CDYL2: variants seen among roughly 807,000 people sequenced by gnomAD.
CDYL2 encodes the protein chromodomain Y-like protein 2.
CDYL2 carries 23 observed loss-of-function variants against 49.4 expected under a neutral mutation model. That is an observed-to-expected ratio of 0.47 (90% CI 0.34 to 0.66). CDYL2 has a LOEUF of 0.66. CDYL2 is among the 30% of genes least tolerant of loss of function. The probability of loss-of-function intolerance (pLI) is 0.01; values close to 1 mark genes in which losing one functional copy is unlikely to be tolerated. For synonymous variants in CDYL2, 360 were observed against 268.8 expected (o/e 1.34, Z -3.32); for missense variants, 678 against 656.4 (o/e 1.03, Z -0.36).
chr16:80,742,035 A>C (rs1905754853), intron 1 of CDYL2: 1 of 152,216 alleles, frequency 6.6e-6, no homozygotes, highest in African/African-American at 2.4e-5. Context: ...CTTCAAATGG[A>C]TTGTGTATTT....
rs147186831 is a variant in CDYL2, at chr16:80,769,501, G to A, written c.24+34649C>T. ...TACTCTATTGCTAGCTGCCAGTGAC[G>A]ACAGCCAAGTGGGTTAGAGAATGGA... On this transcript the variant is annotated intron_variant, in intron 1 of 6. Coordinates refer to ENST00000570137, the MANE Select transcript of CDYL2 (RefSeq NM_152342.4). Among the ~76,000 whole-genome samples, 66 of 152,296 alleles carry A rather than the reference G, an allele frequency of 4.3e-4. No individual in the cohort carries two copies. In the Middle Eastern group the frequency reaches 0.01, roughly 24 times the overall value.
intron 1 of CDYL2, among the ~76,000 whole-genome samples, chr16:80,720,510 C>G (rs1904961969): frequency 6.6e-6 from 1 of 152,200 alleles, no homozygotes; most frequent in Non-Finnish European, 1.5e-5. Flanking sequence ...GGAGGGTATG[C>G]TCGTCTACAG....
At chr16:80,618,511 G>A (rs544589615) in intron 4 of CDYL2, among the ~76,000 whole-genome samples, 146 of 152,296 alleles carry the variant, frequency 9.6e-4, no homozygotes, top group Non-Finnish European at 1.4e-3. Context: ...GAGACTGGGC[G>A]TGCAAAGCCA....
chr16:80,706,490 G>C (rs770830833), intron 1 of CDYL2, among the ~76,000 whole-genome samples: 3 of 152,216 alleles, frequency 2.0e-5, no homozygotes, highest in Non-Finnish European at 4.4e-5. Context: ...TGGGAATCAT[G>C]ATCACATTGT....
At chr16:80,792,424 A>G (rs184167089) in intron 1 of CDYL2, among the ~76,000 whole-genome samples, 33 of 152,324 alleles carry the variant, frequency 2.2e-4, no homozygotes, top group Admixed American at 1.2e-3. Flanking sequence ...AGCCTCTGAA[A>G]TATTTACCTA....
chr16:80,607,052 G>C (rs114575323), intron 6 of CDYL2, among the ~76,000 whole-genome samples: 2,407 of 152,268 alleles, frequency 0.016, 55 homozygotes, highest in African/African-American at 0.055. Context: ...CACCAGGAGA[G>C]TCCCAGACAA....
intron 1 of CDYL2, among the ~76,000 whole-genome samples, chr16:80,698,298 A>G (rs1248946020): frequency 6.6e-6 from 1 of 152,238 alleles, no homozygotes; most frequent in Non-Finnish European, 1.5e-5. Context: ...TGCAAAGAAA[A>G]CAATCAACAG....
chr16:80,640,049 C>T (rs1908013696), intron 2 of CDYL2, among the ~76,000 whole-genome samples: 3 of 152,070 alleles, frequency 2.0e-5, no homozygotes, highest in African/African-American at 4.8e-5. Flanking sequence ...GCCACAAGGG[C>T]TAGACCTCCA....
At chr16:80,640,840 T>C (rs950797192) in intron 2 of CDYL2, among the ~76,000 whole-genome samples, 6 of 152,138 alleles carry the variant, frequency 3.9e-5, no homozygotes, top group African/African-American at 9.7e-5. Flanking sequence ...AATAGCAGAA[T>C]TGAACAAGCG....
chr16:80,725,743 C>A (rs1434214864), intron 1 of CDYL2, among the ~76,000 whole-genome samples: 3 of 152,226 alleles, frequency 2.0e-5, no homozygotes, highest in African/African-American at 4.8e-5. Context: ...TGAAAGCCAG[C>A]CAACCACAGT....
chr16:80,791,568 T>C (rs1907608698), intron 1 of CDYL2, among the ~76,000 whole-genome samples: 1 of 152,184 alleles, frequency 6.6e-6, no homozygotes, highest in African/African-American at 2.4e-5. Flanking sequence ...CTGAGGAAGC[T>C]TGCCAAGAAT....
At chr16:80,765,344 C>A (rs775171415) in intron 1 of CDYL2, among the ~76,000 whole-genome samples, 87 of 151,462 alleles carry the variant, frequency 5.7e-4, no homozygotes, top group Non-Finnish European at 9.7e-4. Flanking sequence ...ACAGAAACGA[C>A]GAAAGACTAA....
rs150457561 is a variant in CDYL2, at chr16:80,642,927, T to C, written c.617-9691A>G. Reference sequence around the variant, plus strand: ...ATTCCACCCCCAGCCCCTCCAAATCTCAAGTCCTCATATTTCAAAAGCAAT... The same window carrying C: ...ATTCCACCCCCAGCCCCTCCAAATCCCAAGTCCTCATATTTCAAAAGCAAT... On this transcript the variant is annotated intron_variant, in intron 2 of 6. Transcript: ENST00000570137. 1.6e-3 allele frequency among the ~76,000 whole-genome samples: 246 copies of C among 152,056 alleles called. 3 individuals are homozygous for C. Among genetic ancestry groups the C allele is most frequent in the Admixed American group, 0.014 (210 of 15,274 alleles).
intron 1 of CDYL2, among the ~76,000 whole-genome samples, chr16:80,725,094 C>T (rs1339404605): frequency 2.0e-5 from 3 of 152,172 alleles, no homozygotes; most frequent in Non-Finnish European, 2.9e-5. Flanking sequence ...ATGTTCTGTC[C>T]TTTCCCACCA....
chr16:80,804,279 G>T lies in CDYL2; in HGVS notation c.-106C>A, dbSNP rs1232812176. On this transcript the variant is annotated 5_prime_UTR_variant, in exon 1 of 7. Transcript: ENST00000570137. ...TGCGCGTGTGTGTGCGCGCGTGTGTGTGCGAGTGTGTGTGGTGTGTTGAGT... is the reference window on the plus strand; with the variant it reads ...TGCGCGTGTGTGTGCGCGCGTGTGTTTGCGAGTGTGTGTGGTGTGTTGAGT... 4 of 1,026,280 alleles carry T rather than the reference G, an allele frequency of 3.9e-6. No individual in the cohort carries two copies. The highest frequency in any genetic ancestry group is 2.6e-6 in the Non-Finnish European group (2 of 769,214). 63.6% of individuals were successfully genotyped at this position (1,026,280 alleles called of 1,614,324 possible).
intron 3 of CDYL2, among the ~76,000 whole-genome samples, chr16:80,628,879 C>A (rs977624659): frequency 2.0e-5 from 3 of 152,114 alleles, no homozygotes; most frequent in African/African-American, 7.2e-5. Context: ...AGTCACCCCA[C>A]AAATACATGT....
intron 1 of CDYL2, among the ~76,000 whole-genome samples, chr16:80,726,224 G>A (rs1905158182): frequency 6.6e-6 from 1 of 152,140 alleles, no homozygotes; most frequent in Admixed American, 6.5e-5. Context: ...GTTGCAAAGG[G>A]ATTTGAGGAA....
At chr16:80,749,965 C>G (rs895961884) in intron 1 of CDYL2, among the ~76,000 whole-genome samples, 2 of 152,008 alleles carry the variant, frequency 1.3e-5, no homozygotes, top group Non-Finnish European at 2.9e-5. Context: ...AACCATCATT[C>G]TCAGCAAACT....
At chr16:80,626,745 G>A (rs76193156) in intron 3 of CDYL2, among the ~76,000 whole-genome samples, 1,774 of 152,254 alleles carry the variant, frequency 0.012, 42 homozygotes, top group African/African-American at 0.04. Context: ...GCATCATCAC[G>A]GTGTATGGAA....
Sources: allele counts gnomAD v4.1 joint callset (sites outside exome capture counted in the v4.1 genomes callset), GRCh38; gene constraint gnomAD v4.1.1; transcripts MANE v1.5; gene names NCBI Gene and HGNC (gene_info 2026-07-23, HGNC 2026-07-21).